The following ANK2 variants were observed in gnomAD, a reference collection of about 807,000 sequenced individuals.
The protein encoded by ANK2 is ankyrin-2.
In ANK2, 83 loss-of-function variants were observed where a neutral mutation model predicts 360.5. That is an observed-to-expected ratio of 0.23 (90% CI 0.19 to 0.28). ANK2 has a LOEUF of 0.28. ANK2 is among the 10% of genes least tolerant of loss of function. The pLI is 1.00. For synonymous variants in ANK2, 1,740 were observed against 1,759.5 expected (o/e 0.99, Z 0.28); for missense variants, 4,201 against 4,795.7 (o/e 0.88, Z 3.66).
At position 113,170,496 on chromosome 4, in the gene ANK2, T is replaced by C. The variant is rs564812367; in HGVS notation, c.85-3920T>C. Among the ~76,000 whole-genome samples, 6 of 152,344 alleles carry C rather than the reference T, an allele frequency of 3.9e-5. No homozygotes were observed. In the South Asian group the frequency reaches 6.2e-4, roughly 16 times the overall value. ...AACACAAAGACATATACCGAAGTTA[T>C]ATGTTTATACTCACATATAGGGTAG... On this transcript the variant is annotated intron_variant, in intron 1 of 45. Transcript: ENST00000357077.
chr4:113,300,162 A>G (rs1355079763), intron 22 of ANK2, among the ~76,000 whole-genome samples: 2 of 152,148 alleles, frequency 1.3e-5, no homozygotes, highest in Admixed American at 1.3e-4. Flanking sequence ...TTTTGGATGG[A>G]TACTTTTGTT....
upstream of ANK2, among the ~76,000 whole-genome samples, chr4:112,815,012 CTTTT>C (rs66513268): frequency 3.2e-4 from 47 of 145,492 alleles, no homozygotes; most frequent in East Asian, 8.1e-3. Context: ...CAAAAAGACA[CTTTT>C]TTTTTTTTTT....
chr4:113,164,578 G>A (rs2097685540), intron 1 of ANK2, among the ~76,000 whole-genome samples: 1 of 152,216 alleles, frequency 6.6e-6, no homozygotes, highest in African/African-American at 2.4e-5. Context: ...GATGGTCTCT[G>A]AAGCTGCAGA....
chr4:112,710,650 A>G, the ANK2 span, among the ~76,000 whole-genome samples: 1 of 151,502 alleles, frequency 6.6e-6, no homozygotes, highest in Non-Finnish European at 1.5e-5. Flanking sequence ...GTGAGCCGAG[A>G]TTGCACCACT....
At chr4:113,049,131 G>C (rs1392236044), upstream of ANK2, among the ~76,000 whole-genome samples, 1 of 152,114 alleles carries the variant, frequency 6.6e-6, no homozygotes, top group Non-Finnish European at 1.5e-5. Context: ...TGTTCTCAAG[G>C]CTTTATGACA....
intron 1 of ANK2, among the ~76,000 whole-genome samples, chr4:113,122,733 T>C (rs1396112466): frequency 6.6e-6 from 1 of 152,134 alleles, no homozygotes; most frequent in East Asian, 1.9e-4. Context: ...AATGTGGTAG[T>C]TTCCATAGAA....
intron 4 of ANK2, among the ~76,000 whole-genome samples, chr4:113,211,680 A>G (rs562282672): frequency 1.3e-5 from 2 of 152,330 alleles, no homozygotes; most frequent in Admixed American, 1.3e-4. Context: ...AGGGGCTATT[A>G]GAGACATTGT....
chr4:112,992,291 G>A (rs574157698), intron 2 of ANK2, among the ~76,000 whole-genome samples: 3 of 152,010 alleles, frequency 2.0e-5, no homozygotes, highest in Non-Finnish European at 4.4e-5. Flanking sequence ...TTACAGGCAT[G>A]AGTCACCACG....
Position 113,258,048 on chromosome 4 carries a change from A to G in ANK2, c.1189-2A>G. 1 of 1,613,286 alleles carries G rather than the reference A, an allele frequency of 6.2e-7. No homozygotes were observed. The highest frequency in any genetic ancestry group is 8.5e-7 in the Non-Finnish European group (1 of 1,179,172). Reference sequence around the variant, plus strand: ...CAACTAACTTGATTGTCTTTTGCACAGAATGGTTTTACTCCACTGCACATT... The same window carrying G: ...CAACTAACTTGATTGTCTTTTGCACGGAATGGTTTTACTCCACTGCACATT... On this transcript the variant is annotated splice_acceptor_variant, in intron 11 of 45. Coordinates refer to ENST00000357077, the MANE Select transcript of ANK2 (RefSeq NM_001148.6). LOFTEE classifies it high-confidence loss of function.
chr4:113,110,581 T>C (rs1376197412), intron 1 of ANK2, among the ~76,000 whole-genome samples: 3 of 152,172 alleles, frequency 2.0e-5, no homozygotes. Context: ...TCCAGATGTT[T>C]ACAACTTCAT....
intron 18 of ANK2, among the ~76,000 whole-genome samples, chr4:113,284,415 G>A (rs900470017): frequency 2.0e-5 from 3 of 152,270 alleles, no homozygotes; most frequent in South Asian, 4.1e-4. Flanking sequence ...TTTTGAGTAG[G>A]ATTAAAATTC....
chr4:112,757,819 G>A, the ANK2 span, among the ~76,000 whole-genome samples: 1 of 152,018 alleles, frequency 6.6e-6, no homozygotes. Flanking sequence ...ATTGAGAAGC[G>A]CTATACGTAA....
At chr4:113,264,280 G>T (rs2054662009) in intron 13 of ANK2, among the ~76,000 whole-genome samples, 1 of 152,104 alleles carries the variant, frequency 6.6e-6, no homozygotes, top group South Asian at 2.1e-4. Context: ...GGTATAAGTG[G>T]TATTAATTTT....
the ANK2 span, among the ~76,000 whole-genome samples, chr4:112,724,345 G>A: frequency 2.6e-5 from 4 of 152,122 alleles, no homozygotes; most frequent in African/African-American, 7.2e-5. Context: ...GATTAAAGGC[G>A]TGAGCCACCA....
chr4:112,872,556 C>T (rs759123810), intron 1 of ANK2, among the ~76,000 whole-genome samples: 5 of 152,258 alleles, frequency 3.3e-5, no homozygotes, highest in African/African-American at 9.6e-5. Context: ...AGGCTGGTCT[C>T]GAACCCCCAA....
intron 1 of ANK2, among the ~76,000 whole-genome samples, chr4:113,113,607 A>G (rs1235390430): frequency 6.6e-6 from 1 of 152,214 alleles, no homozygotes; most frequent in Non-Finnish European, 1.5e-5. Flanking sequence ...ATTGATGGTC[A>G]TGATGCTTTG....
the ANK2 span, among the ~76,000 whole-genome samples, chr4:112,786,393 ATTTTTTTT>A: frequency 1.5e-5 from 2 of 134,474 alleles, no homozygotes; most frequent in African/African-American, 2.7e-5. Flanking sequence ...AACCACCAGA[ATTTTTTTT>A]TTTTTTTTTT....
At chr4:112,811,239 G>C in the ANK2 span, among the ~76,000 whole-genome samples, 2 of 151,718 alleles carry the variant, frequency 1.3e-5, no homozygotes, top group East Asian at 1.9e-4. Flanking sequence ...GCCCGGCCAC[G>C]AGACTGGATC....
At chr4:112,832,560 G>C (rs547067295) in intron 1 of ANK2, among the ~76,000 whole-genome samples, 9 of 152,280 alleles carry the variant, frequency 5.9e-5, no homozygotes, top group African/African-American at 2.2e-4. Flanking sequence ...CATTCAAATT[G>C]TAAAGTTATT....
Sources: gnomAD v4.1 joint callset for allele counts (sites outside exome capture counted in the v4.1 genomes callset) on GRCh38, gnomAD v4.1.1 for gene constraint, MANE v1.5 for transcripts, NCBI Gene and HGNC (gene_info 2026-07-23, HGNC 2026-07-21) for gene names.